The following SLIT2 variants were observed in gnomAD, a reference collection of about 807,000 sequenced individuals.
SLIT2 encodes the protein slit guidance ligand 2.
Under a neutral mutation model 185.7 loss-of-function variants are expected in SLIT2, and 41 were observed. The observed-to-expected ratio is 0.22, with a 90% CI of 0.17 to 0.29. SLIT2 has a LOEUF of 0.29. SLIT2 is among the 10% of genes least tolerant of loss of function. The pLI, the probability that SLIT2 is intolerant of heterozygous loss-of-function variation, is 1.00. For synonymous variants in SLIT2, 693 were observed against 680.2 expected, an observed-to-expected ratio of 1.02 and a Z score of -0.29; for missense variants, 1,571 against 1,909.0, an observed-to-expected ratio of 0.82 and a Z score of 3.30.
At chr4:20,443,479 A>G (rs958996622) in intron 4 of SLIT2, among the ~76,000 whole-genome samples, 7 of 149,996 alleles carry the variant, frequency 4.7e-5, no homozygotes, top group Admixed American at 6.7e-5. Flanking sequence ...GATAACTTTT[A>G]GCTCAGGGCA....
intron 4 of SLIT2, among the ~76,000 whole-genome samples, chr4:20,358,611 T>A (rs1209115501): frequency 6.6e-6 from 1 of 152,152 alleles, no homozygotes; most frequent in Non-Finnish European, 1.5e-5. Context: ...TCTCACTTAA[T>A]CCGAGGAACC....
At chr4:20,302,249 T>C (rs923666935) in intron 4 of SLIT2, among the ~76,000 whole-genome samples, 1 of 152,210 alleles carries the variant, frequency 6.6e-6, no homozygotes, top group African/African-American at 2.4e-5. Flanking sequence ...TCTTTGCCTA[T>C]TATAAGTGAA....
At chr4:20,492,399 T>C (rs952794332) in intron 9 of SLIT2, among the ~76,000 whole-genome samples, 4 of 152,234 alleles carry the variant, frequency 2.6e-5, no homozygotes, top group Admixed American at 2.6e-4. Flanking sequence ...ATTTTTTATA[T>C]AGTGCATGTT....
At position 20,354,223 on chromosome 4, in the gene SLIT2, T is replaced by C. The variant is rs902594397; in HGVS notation, c.395+85342T>C. Reference sequence around the variant, plus strand: ...GGAAAGGTAGGTTTTTTTTCTTTTTTTTTTTAACTTTTCCTTTCTGCAAAA... The same window carrying C: ...GGAAAGGTAGGTTTTTTTTCTTTTTCTTTTTAACTTTTCCTTTCTGCAAAA... On this transcript the variant is annotated intron_variant, in intron 4 of 36. Coordinates refer to ENST00000504154, the MANE Select transcript of SLIT2 (RefSeq NM_004787.4). Among the ~76,000 whole-genome samples, 4 of 152,204 alleles carry C rather than the reference T, an allele frequency of 2.6e-5. No homozygotes were observed. In the East Asian group the frequency reaches 5.8e-4, roughly 22 times the overall value.
chr4:20,303,358 A>G (rs1560299025), intron 4 of SLIT2, among the ~76,000 whole-genome samples: 1 of 152,096 alleles, frequency 6.6e-6, no homozygotes, highest in Non-Finnish European at 1.5e-5. Context: ...TATTGTTTTC[A>G]TTGAGGAGGA....
chr4:20,538,780 T>TAAAAAA (rs35129347), intron 18 of SLIT2, among the ~76,000 whole-genome samples: 1 of 121,126 alleles, frequency 8.3e-6, no homozygotes, highest in Admixed American at 8.6e-5. Flanking sequence ...TGACAATGAC[T>TAAAAAA]AAAAAAAAAA....
At chr4:20,326,707 T>A (rs1011473240) in intron 4 of SLIT2, among the ~76,000 whole-genome samples, 27 of 150,868 alleles carry the variant, frequency 1.8e-4, no homozygotes, top group African/African-American at 6.6e-4. Flanking sequence ...TCTATTAATT[T>A]GCCCTTATTT....
chr4:20,485,891 A>G (rs1171823458), intron 6 of SLIT2, among the ~76,000 whole-genome samples: 1 of 152,210 alleles, frequency 6.6e-6, no homozygotes, highest in Non-Finnish European at 1.5e-5. Context: ...TCCCGTGTTT[A>G]TTTCTTAACC....
chr4:20,313,028 A>T (rs940658214), intron 4 of SLIT2, among the ~76,000 whole-genome samples: 10 of 152,140 alleles, frequency 6.6e-5, no homozygotes, highest in Non-Finnish European at 5.9e-5. Context: ...TCTAGGCTTG[A>T]GGGAGAATTT....
chr4:20,264,742 C>G (rs1301022005), intron 3 of SLIT2, among the ~76,000 whole-genome samples: 23 of 151,896 alleles, frequency 1.5e-4, no homozygotes, highest in Non-Finnish European at 4.4e-5. Flanking sequence ...TCAAAAATAG[C>G]TGGTAGCACA....
chr4:20,541,702 TTCAGCTCAGCAAA>T, intron 20 of SLIT2, 83 bp downstream of exon 20: 1 of 1,194,568 alleles, frequency 8.4e-7, no homozygotes, highest in Non-Finnish European at 1.2e-6. Flanking sequence ...TACAGCATAG[TTCAGCTCAGCAAA>T]TAATGATCGT....
intron 29 of SLIT2, among the ~76,000 whole-genome samples, chr4:20,580,702 C>T (rs976162575): frequency 1.3e-5 from 2 of 152,168 alleles, no homozygotes; most frequent in African/African-American, 4.8e-5. Flanking sequence ...AAGTCAAGCA[C>T]AACTCACAGT....
intron 30 of SLIT2, among the ~76,000 whole-genome samples, chr4:20,591,099 C>A (rs2148950674): frequency 6.6e-6 from 1 of 152,248 alleles, no homozygotes; most frequent in African/African-American, 2.4e-5. Flanking sequence ...CTGCCATGGC[C>A]ACAGCACATG....
rs535715568 is a variant in SLIT2 at position 20,366,894 on chromosome 4, C to A, written c.395+98013C>A. On this transcript the variant is annotated intron_variant, in intron 4 of 36. Coordinates refer to ENST00000504154, the MANE Select transcript of SLIT2 (RefSeq NM_004787.4). ...CTCACTGCAGCCTCAACCTCCTGGG[C>A]TCAAGTGATCCTCCAACCTCAGCCT... Among the ~76,000 whole-genome samples, 233 of 152,060 alleles carry A rather than the reference C, an allele frequency of 1.5e-3. 2 individuals are homozygous for A. The highest frequency in any genetic ancestry group is 2.5e-3 in the Non-Finnish European group (168 of 67,964).
Position 20,528,991 on chromosome 4 carries a change from C to T in SLIT2, c.1505C>T (p.Ala502Val), listed in dbSNP as rs374199333. Residue 502 changes from alanine (A) to valine (V), a missense_variant, in exon 16 of 37, where the codon GCG becomes GTG. Physicochemically the swap from Ala to Val is moderately conservative, Grantham distance 64. Coordinates refer to ENST00000504154, the MANE Select transcript of SLIT2 (RefSeq NM_004787.4). This position sits in a 1 kb window ranked among gnomAD's most constrained non-coding sequence, Gnocchi z 4.2. ...TCAAAATTAAGTGGAGACTGCTTTG[C>T]GGATCTGGCTTGCCCTGAAAAGTGT... Reference protein sequence around the residue: ...YRSKLSGDCFADLACPEKCRC... With the variant: ...YRSKLSGDCFVDLACPEKCRC... 34 of 1,613,588 alleles carry T rather than the reference C, an allele frequency of 2.1e-5. No homozygotes were observed. Among genetic ancestry groups the T allele is most frequent in the African/African-American group, 1.6e-4 (12 of 74,878 alleles).
chr4:20,447,700 T>G (rs1351242734), intron 4 of SLIT2, among the ~76,000 whole-genome samples: 1 of 152,112 alleles, frequency 6.6e-6, no homozygotes, highest in Non-Finnish European at 1.5e-5. Context: ...TTGTCTGCGT[T>G]TGTCAAGGCC....
At chr4:20,542,688 C>G in intron 21 of SLIT2, 62 bp downstream of exon 21, 1 of 1,531,290 alleles carries the variant, frequency 6.5e-7, no homozygotes, top group Non-Finnish European at 9.0e-7. Flanking sequence ...TTCATACACC[C>G]AGAGGAATGG....
chr4:20,348,436 TG>T (rs1450244031), intron 4 of SLIT2, among the ~76,000 whole-genome samples: 3 of 150,540 alleles, frequency 2.0e-5, no homozygotes, highest in Non-Finnish European at 4.4e-5. Flanking sequence ...TTAGTAGAGA[TG>T]GGGTTTCACC....
Position 20,513,736 on chromosome 4 carries a change from T to TG in SLIT2, c.1058+2601dup, listed in dbSNP as rs112347721. Among the ~76,000 whole-genome samples the TG allele has an allele frequency of 6.1e-3, 930 of 151,894 alleles. 8 individuals are homozygous for TG. The highest frequency in any genetic ancestry group is 0.02 in the African/African-American group (843 of 41,278). On this transcript the variant is annotated intron_variant, in intron 11 of 36. Transcript: ENST00000504154. ...AACAAGGGATAAGGATAGCTGTGGT[T>TG]GGCGGGGGGAAGCTAAAACCTTAAA... is the stretch of plus-strand genomic sequence containing the variant.
Sources: gnomAD v4.1 joint callset for allele counts (sites outside exome capture counted in the v4.1 genomes callset) on GRCh38, gnomAD v4.1.1 for gene constraint, Gnocchi (gnomAD v3.1) non-coding constraint, MANE v1.5 for transcripts, NCBI Gene and HGNC (gene_info 2026-07-23, HGNC 2026-07-21) for gene names.